CHRNA3: variants seen among roughly 807,000 people sequenced by gnomAD.
The protein encoded by CHRNA3 is neuronal acetylcholine receptor subunit alpha-3.
Under a neutral mutation model 41.9 loss-of-function variants are expected in CHRNA3, and 34 were observed. The observed-to-expected ratio is 0.81, with a 90% CI of 0.62 to 1.08. The LOEUF is 1.08. CHRNA3 is among the 50% of genes least tolerant of loss of function. The pLI is 0.00. For synonymous variants in CHRNA3, 281 were observed against 265.2 expected (o/e 1.06, Z -0.58); for missense variants, 542 against 638.3 (o/e 0.85, Z 1.63).
chr15:78,596,603 C>T lies in CHRNA3; in HGVS notation c.*1G>A, dbSNP rs2053115168. 1 of 1,599,940 alleles carries T rather than the reference C, an allele frequency of 6.3e-7. No individual in the cohort carries two copies. Among genetic ancestry groups the T allele is most frequent in the Non-Finnish European group, 8.5e-7 (1 of 1,175,968 alleles). ...TCCCAGGCAGGCACACAGCTTAGTG[C>T]TTATGCATCTTCCCTGGCCATCAGG... is the stretch of plus-strand genomic sequence containing the variant. On this transcript the variant is annotated 3_prime_UTR_variant, in exon 6 of 6. Transcript: ENST00000326828.
intron 4 of CHRNA3, among the ~76,000 whole-genome samples, chr15:78,607,211 C>CTT (rs1162157211): frequency 7.8e-6 from 1 of 128,034 alleles, no homozygotes; most frequent in African/African-American, 2.8e-5. Flanking sequence ...CAGTGAGACT[C>CTT]TGTCTCCAAA....
rs78945897 is a variant in CHRNA3, at chr15:78,618,889, G to T, written c.109C>A (p.Arg37Ser). The change falls in exon 2 of 6, where the codon CGT becomes AGT. Residue 37 changes from arginine (R) to serine (S), a missense_variant. Transcript: ENST00000326828. ...PVARASEAEH[R>S]LFERLFEDYN... is the part of the protein sequence containing the mutation. ...TCTTCAAACAGCCGCTCAAATAGAC[G>T]GTGCTCAGCCTCTGAGGCCCTGGCC... 15 of 1,613,618 alleles carry T rather than the reference G, an allele frequency of 9.3e-6. No individual in the cohort carries two copies. Among genetic ancestry groups the T allele is most frequent in the Non-Finnish European group, 1.3e-5 (15 of 1,180,002 alleles).
chr15:78,601,277 C>T lies in CHRNA3; in HGVS notation c.1365G>A (p.Met455Ile). 6.2e-7 allele frequency: 1 copy of T among 1,613,524 alleles called. No individual in the cohort carries two copies. Among genetic ancestry groups the T allele is most frequent in the East Asian group, 2.2e-5 (1 of 44,884 alleles). ...CCTCTTTGGCTTCATTTTGTGCTTT[C>T]ATATTTTCAGCAATATACTTGACAC... ...IQSVKYIAEN[M>I]KAQNEAKEIQ... Residue 455 changes from methionine (M) to isoleucine (I), a missense_variant, in exon 5 of 6, where the codon ATG becomes ATA. Physicochemically the swap from Met to Ile is conservative, Grantham distance 10. Transcript: ENST00000326828.
chr15:78,615,738 TA>T (rs377336848), intron 4 of CHRNA3, among the ~76,000 whole-genome samples: 21 of 119,368 alleles, frequency 1.8e-4, no homozygotes, highest in African/African-American at 5.7e-4. Context: ...CAGGCACCTG[TA>T]TTTTTTTTTT....
intron 4 of CHRNA3, among the ~76,000 whole-genome samples, chr15:78,607,764 G>A (rs2053315651): frequency 6.6e-6 from 1 of 152,222 alleles, no homozygotes; most frequent in African/African-American, 2.4e-5. Flanking sequence ...CCAAAGCAGG[G>A]CGAGGCATTG....
intron 5 of CHRNA3, 114 bp downstream of exon 5, chr15:78,601,139 A>G (rs748015260): frequency 3.0e-6 from 3 of 1,001,828 alleles, no homozygotes; most frequent in Non-Finnish European, 4.5e-6. Context: ...AACACAGGCC[A>G]CTGACTCCAG....
Position 78,620,950 on chromosome 15 carries a change from G to A in CHRNA3, c.-156C>T, listed in dbSNP as rs1890724251. 3 of 999,400 alleles carry A rather than the reference G, an allele frequency of 3.0e-6. No individual in the cohort carries two copies. Among genetic ancestry groups the A allele is most frequent in the South Asian group, 8.4e-5 (2 of 23,838 alleles). The allele number at this position is 999,400 out of a possible 1,614,324, so 61.9% of individuals were successfully genotyped here. A position where few individuals can be genotyped will look rare whatever the true frequency, so the allele number is the denominator to read the frequency against. ...CTCCTCTCCGCTTCGCCGCCGCTGG[G>A]TTTCCAGCGCCCTCGGACCCGCGGG... On this transcript the variant is annotated 5_prime_UTR_variant, in exon 1 of 6. Coordinates refer to ENST00000326828, the MANE Select transcript of CHRNA3 (RefSeq NM_000743.5).
At chr15:78,611,785 T>G (rs1386654076) in intron 4 of CHRNA3, among the ~76,000 whole-genome samples, 1 of 151,962 alleles carries the variant, frequency 6.6e-6, no homozygotes, top group African/African-American at 2.4e-5. Flanking sequence ...AAATTGTCCC[T>G]GTTTGCAGAT....
intron 5 of CHRNA3, among the ~76,000 whole-genome samples, chr15:78,597,367 G>T (rs1174378004): frequency 1.3e-5 from 2 of 152,158 alleles, no homozygotes; most frequent in Admixed American, 6.5e-5. Flanking sequence ...GGAGGCGGAG[G>T]TTGCAGTGAG....
chr15:78,601,604 G>C lies in CHRNA3; in HGVS notation c.1038C>G (p.Phe346Leu). The C allele has an allele frequency of 1.9e-6, 3 of 1,614,210 alleles. No individual in the cohort carries two copies. The highest frequency in any genetic ancestry group is 2.5e-6 in the Non-Finnish European group (3 of 1,180,042). The change falls in exon 5 of 6, where the codon TTC (phenylalanine) becomes TTG (leucine). Residue 346 changes from phenylalanine (F) to leucine (L), a missense_variant. Transcript: ENST00000326828. ...HTMPSWVKTV[F>L]LNLLPRVMFM... ...ACATGACCCTGGGGAGCAGGTTCAA[G>C]AATACAGTCTTCACCCATGAGGGCA...
At chr15:78,616,569 G>A (rs183023751) in intron 4 of CHRNA3, among the ~76,000 whole-genome samples, 109 of 152,152 alleles carry the variant, frequency 7.2e-4, no homozygotes, top group African/African-American at 2.6e-3. Context: ...CCGGGCATCT[G>A]AGCCTTCCCC....
intron 5 of CHRNA3, among the ~76,000 whole-genome samples, chr15:78,600,610 G>A (rs12901300): frequency 0.39 from 59,171 of 152,048 alleles, 11,895 homozygotes; most frequent in Non-Finnish European, 0.42. Flanking sequence ...GGCCAGGTGC[G>A]GTGGCTCATG....
intron 4 of CHRNA3, among the ~76,000 whole-genome samples, chr15:78,605,933 C>T (rs2053279147): frequency 6.6e-6 from 1 of 152,228 alleles, no homozygotes; most frequent in African/African-American, 2.4e-5. Context: ...AGGTAACTAC[C>T]GTCTTCTCCT....
chr15:78,603,608 A>G (rs1476813155), intron 4 of CHRNA3, among the ~76,000 whole-genome samples: 1 of 152,202 alleles, frequency 6.6e-6, no homozygotes, highest in African/African-American at 2.4e-5. Flanking sequence ...ACATTTAGGG[A>G]TATCCTTGTG....
chr15:78,602,493 C>G (rs1045661730), intron 4 of CHRNA3, among the ~76,000 whole-genome samples: 2 of 152,168 alleles, frequency 1.3e-5, no homozygotes, highest in African/African-American at 2.4e-5. Flanking sequence ...CTCCCTGCCC[C>G]AGGGCAGGCC....
At chr15:78,610,854 A>C (rs553984347) in intron 4 of CHRNA3, among the ~76,000 whole-genome samples, 1 of 152,228 alleles carries the variant, frequency 6.6e-6, no homozygotes, top group South Asian at 2.1e-4. Flanking sequence ...AGAAAGAAGA[A>C]TCAAATAGAT....
intron 5 of CHRNA3, among the ~76,000 whole-genome samples, chr15:78,598,504 C>T (rs1269868321): frequency 6.6e-6 from 1 of 151,684 alleles, no homozygotes; most frequent in African/African-American, 2.4e-5. Flanking sequence ...AAGTAATCTT[C>T]CCCACTCAGC....
At chr15:78,610,393 A>C (rs2053363782) in intron 4 of CHRNA3, among the ~76,000 whole-genome samples, 1 of 152,226 alleles carries the variant, frequency 6.6e-6, no homozygotes, top group Non-Finnish European at 1.5e-5. Context: ...CCACAGTGCA[A>C]TCAAACTAGA....
rs774559139 is a variant in CHRNA3, at chr15:78,596,650, G to A, written c.1472C>T (p.Thr491Ile). 1 of 1,612,402 alleles carries A rather than the reference G, an allele frequency of 6.2e-7. No individual in the cohort carries two copies. Among genetic ancestry groups the A allele is most frequent in the Non-Finnish European group, 8.5e-7 (1 of 1,179,774 alleles). ...CAGGGGTTGCAGAAACAATCCTGCT[G>A]TCCCTAGAATGCACACCAGGGTGAA... ...WVFTLVCILG[T>I]AGLFLQPLMA... The change falls in exon 6 of 6, where the codon ACA (threonine) becomes ATA (isoleucine). Residue 491 changes from threonine (T) to isoleucine (I), a missense_variant. Thr to Ile is a moderately conservative substitution (Grantham distance 89, BLOSUM62 -1). Coordinates refer to ENST00000326828, the MANE Select transcript of CHRNA3 (RefSeq NM_000743.5).
Sources: allele counts gnomAD v4.1 joint callset (sites outside exome capture counted in the v4.1 genomes callset), GRCh38; gene constraint gnomAD v4.1.1; transcripts MANE v1.5; gene names NCBI Gene and HGNC (gene_info 2026-07-23, HGNC 2026-07-21).